Variants in DYNC2H1 observed in about 807,000 individuals in gnomAD.
DYNC2H1 encodes dynein cytoplasmic 2 heavy chain 1.
In DYNC2H1, 410 loss-of-function variants were observed where a neutral mutation model predicts 570.0. The observed-to-expected ratio is 0.72, with a 90% CI of 0.66 to 0.78. The LOEUF is 0.78. Ranked by LOEUF, DYNC2H1 falls within the 30% of genes least tolerant of loss-of-function variation. The pLI, the probability that DYNC2H1 is intolerant of heterozygous loss-of-function variation, is 0.00. For missense variants in DYNC2H1, 4,865 were observed against 5,046.4 expected (o/e 0.96, Z 1.09); for synonymous variants, 1,688 against 1,677.6 (o/e 1.01, Z -0.15).
chr11:103,128,949 C>G lies in DYNC2H1; in HGVS notation c.1897C>G (p.Gln633Glu). The G allele has an allele frequency of 6.2e-7, 1 of 1,601,668 alleles. No homozygotes were observed. The highest frequency in any genetic ancestry group is 8.5e-7 in the Non-Finnish European group (1 of 1,175,480). Residue 633 changes from glutamine (Q) to glutamate (E), a missense_variant, in exon 13 of 89, where the codon CAA becomes GAA. Physicochemically the swap from Gln to Glu is conservative, Grantham distance 29. Transcript: ENST00000375735. ...TAATTCTATTGATCAACAAATGATT[C>G]AAAGTCAGAGGCCAATGATGTTACA... ...FYNSIDQQMI[Q>E]SQRPMMLQSA...
At position 103,199,599 on chromosome 11, in the gene DYNC2H1, A is replaced by T. The variant is rs1862636208; in HGVS notation, c.8088+123A>T. ...TTTAAAGAACATCTTTAAAGAACTA[A>T]AGTTCTCTGTTATACAATGTAGTCT... On this transcript the variant is annotated intron_variant, in intron 49 of 88. Transcript: ENST00000375735. This position sits in a 1 kb window ranked among gnomAD's most constrained non-coding sequence, Gnocchi z 4.6. 1 of 926,690 alleles carries T rather than the reference A, an allele frequency of 1.1e-6. No homozygotes were observed. The highest frequency in any genetic ancestry group is 1.5e-6 in the Non-Finnish European group (1 of 672,870). The allele number at this position is 926,690 out of a possible 1,614,324, so 57.4% of individuals were successfully genotyped here.
chr11:103,330,617 T>C, intron 82 of DYNC2H1, among the ~76,000 whole-genome samples: 1 of 149,704 alleles, frequency 6.7e-6, no homozygotes, highest in Non-Finnish European at 1.5e-5. Flanking sequence ...TAGGACAATA[T>C]CTTCTATGTG....
intron 75 of DYNC2H1, among the ~76,000 whole-genome samples, chr11:103,294,938 T>C (rs780874365): frequency 6.6e-6 from 1 of 152,202 alleles, no homozygotes; most frequent in Non-Finnish European, 1.5e-5. Flanking sequence ...CATAATCCTC[T>C]GTACTCTTCT....
chr11:103,404,005 C>CT (rs955610531), intron 84 of DYNC2H1: 30 of 151,880 alleles, frequency 2.0e-4, no homozygotes, highest in African/African-American at 6.5e-4. Flanking sequence ...GGCATCTATG[C>CT]TGTTAGTATG....
At chr11:103,215,422 T>C (rs1489968326) in intron 54 of DYNC2H1, among the ~76,000 whole-genome samples, 1 of 152,218 alleles carries the variant, frequency 6.6e-6, no homozygotes, top group Non-Finnish European at 1.5e-5. Context: ...GTTTTTGTCC[T>C]TTGTTCTGTT....
At chr11:103,231,400 A>G in intron 60 of DYNC2H1, 54 bp downstream of exon 60, 2 of 1,167,596 alleles carry the variant, frequency 1.7e-6, no homozygotes, top group Non-Finnish European at 2.4e-6. Context: ...TTTACATTTG[A>G]CATCTTGATT....
Position 103,163,110 on chromosome 11 carries a change from C to A in DYNC2H1, c.4574C>A (p.Ser1525Tyr). ...GAATGTGTTACTACTGGGCGAAGTTCTCAAGGTGCAGTTGACCCATCTCTG... is the reference window on the plus strand; with the variant it reads ...GAATGTGTTACTACTGGGCGAAGTTATCAAGGTGCAGTTGACCCATCTCTG... ...LKECVTTGRSSQGAVDPSLFP... is the reference protein window; with the variant it reads ...LKECVTTGRSYQGAVDPSLFP... Residue 1525 changes from serine (S) to tyrosine (Y), a missense_variant, in exon 30 of 89, where the codon TCT becomes TAT. Around this residue, in one of 5 missense-constraint regions of DYNC2H1, gnomAD observed 1,936 missense variants for 1,962.1 expected, o/e 0.99. Coordinates refer to ENST00000375735, the MANE Select transcript of DYNC2H1 (RefSeq NM_001377.3). This position sits in a 1 kb window ranked among gnomAD's most constrained non-coding sequence, Gnocchi z 4.6. 3 of 1,612,908 alleles carry A rather than the reference C, an allele frequency of 1.9e-6. No homozygotes were observed. The highest frequency in any genetic ancestry group is 2.5e-6 in the Non-Finnish European group (3 of 1,179,170).
Position 103,117,284 on chromosome 11 carries a change from A to G in DYNC2H1, c.767-347A>G, listed in dbSNP as rs182217582. On this transcript the variant is annotated intron_variant, in intron 5 of 88. Transcript: ENST00000375735. ...TATATATATATATTTTTTAATATAT[A>G]TATTTTTATTATACTTTAAGTTCTA... Among the ~76,000 whole-genome samples, 30 of 147,438 alleles carry G rather than the reference A, an allele frequency of 2.0e-4. 1 individual carries two copies. Among genetic ancestry groups the G allele is most frequent in the East Asian group, 1.2e-3 (6 of 5,126 alleles).
At chr11:103,407,694 A>G (rs1389740504) in intron 84 of DYNC2H1, 3 of 151,892 alleles carry the variant, frequency 2.0e-5, no homozygotes, top group Non-Finnish European at 4.4e-5. Flanking sequence ...TTATTACGAT[A>G]ATATTCATAT....
chr11:103,389,483 G>A (rs1041033587), intron 83 of DYNC2H1, among the ~76,000 whole-genome samples: 18 of 151,962 alleles, frequency 1.2e-4, no homozygotes, highest in Non-Finnish European at 1.8e-4. Flanking sequence ...AGGGTTTTTT[G>A]TGTCTCTATT....
chr11:103,206,140 G>T (rs1397838709), intron 52 of DYNC2H1, among the ~76,000 whole-genome samples: 1 of 152,230 alleles, frequency 6.6e-6, no homozygotes, highest in South Asian at 2.1e-4. Context: ...GTTGTATTCT[G>T]CATACATTTT....
intron 1 of DYNC2H1, among the ~76,000 whole-genome samples, chr11:103,110,440 ATCTT>A (rs1858059640): frequency 6.6e-6 from 1 of 151,546 alleles, no homozygotes; most frequent in Admixed American, 6.6e-5. Context: ...ATTCTAGTCT[ATCTT>A]TTTTGGATCA....
In DYNC2H1 at chr11:103,448,933, G is replaced by C. The variant is rs982017912; in HGVS notation, c.12457-6253G>C. ...GATCAAAGATTCTTTTTTTTCCTTT[G>C]TTTCTTAATTCCTACTAGTAGCATG... On this transcript the variant is annotated intron_variant, in intron 85 of 88. Transcript: ENST00000375735. 5.3e-5 allele frequency among the ~76,000 whole-genome samples: 8 copies of C among 151,260 alleles called. No homozygotes were observed. The South Asian group carries it at 6.3e-4, about 12-fold the overall frequency.
chr11:103,250,837 A>G (rs1864803217), intron 65 of DYNC2H1, among the ~76,000 whole-genome samples: 1 of 151,438 alleles, frequency 6.6e-6, no homozygotes, highest in South Asian at 2.1e-4. Flanking sequence ...GTGGTTGGAG[A>G]TTTTCTAGTT....
At chr11:103,359,668 C>CA (rs1940537654) in intron 83 of DYNC2H1, among the ~76,000 whole-genome samples, 49 of 129,916 alleles carry the variant, frequency 3.8e-4, no homozygotes, top group African/African-American at 1.3e-3. Context: ...TTTTTTTTTA[C>CA]TTTTTTTTTT....
chr11:103,187,373 G>A lies in DYNC2H1; in HGVS notation c.6927G>A (p.Arg2309=), dbSNP rs1314069079. Residue 2309 remains arginine, a synonymous_variant, in exon 43 of 89, where the codon CGG becomes CGA. Transcript: ENST00000375735. Reference sequence around the variant, plus strand: ...TCAGGTACGCATTTTCACAACTCCGGTCCACTCAAATTGCTACAGTTCACT... The same window carrying A: ...TCAGGTACGCATTTTCACAACTCCGATCCACTCAAATTGCTACAGTTCACT... The part of the protein sequence containing the change: ...MLLRYAFSQL[R]STQIATVHCS... 6.2e-7 allele frequency: 1 copy of A among 1,613,022 alleles called. No individual in the cohort carries two copies. The highest frequency in any genetic ancestry group is 1.7e-5 in the Admixed American group (1 of 59,896).
chr11:103,154,782 A>G lies in DYNC2H1; in HGVS notation c.3546A>G (p.Lys1182=). 1 of 1,553,370 alleles carries G rather than the reference A, an allele frequency of 6.4e-7. No individual in the cohort carries two copies. Residue 1182 remains lysine, a synonymous_variant, in exon 24 of 89, where the codon AAA becomes AAG. Coordinates refer to ENST00000375735, the MANE Select transcript of DYNC2H1 (RefSeq NM_001377.3). The part of the protein sequence containing the change: ...KVEEHSVMTV[K]LQSEVDKYKI... ...AAGAACATTCAGTGATGACAGTGAAATTACAATCAGAGGTTGACAAATATA... is the reference window on the plus strand; with the variant it reads ...AAGAACATTCAGTGATGACAGTGAAGTTACAATCAGAGGTTGACAAATATA...
chr11:103,134,270 T>A, intron 14 of DYNC2H1, 51 bp from the exon 15 acceptor site: 1 of 1,550,034 alleles, frequency 6.5e-7, no homozygotes, highest in Non-Finnish European at 8.9e-7. Flanking sequence ...ACTGAAAAGT[T>A]ACTATTTTTC....
At chr11:103,200,274 G>A in intron 50 of DYNC2H1, 120 bp downstream of exon 50, 2 of 685,664 alleles carry the variant, frequency 2.9e-6, no homozygotes, top group Non-Finnish European at 4.8e-6. Context: ...TCTTACTTAG[G>A]AGACATGGTG....
Sources: gnomAD v4.1 joint callset for allele counts (sites outside exome capture counted in the v4.1 genomes callset) on GRCh38, gnomAD v4.1.1 for gene constraint, gnomAD v4.1.1 regional missense constraint, Gnocchi (gnomAD v3.1) non-coding constraint, MANE v1.5 for transcripts, NCBI Gene and HGNC (gene_info 2026-07-23, HGNC 2026-07-21) for gene names.